Variants in FLRT2 observed in about 807,000 individuals in gnomAD.
The protein encoded by FLRT2 is leucine-rich repeat transmembrane protein FLRT2.
In FLRT2, 15 loss-of-function variants were observed where a neutral mutation model predicts 40.0. The observed-to-expected ratio is 0.38, with a 90% CI of 0.25 to 0.58. The LOEUF is 0.58. Among genes scored for constraint, FLRT2 ranks in the 20% least tolerant of loss-of-function variants. The pLI is 0.71. For missense variants in FLRT2, 726 were observed against 840.0 expected (o/e 0.86, Z 1.68); for synonymous variants, 380 against 336.8 (o/e 1.13, Z -1.41).
At chr14:85,593,810 G>A (rs1892010203) in intron 1 of FLRT2, among the ~76,000 whole-genome samples, 3 of 152,274 alleles carry the variant, frequency 2.0e-5, no homozygotes, top group East Asian at 1.9e-4. Context: ...GGGAGTTCAA[G>A]GCAGGCGGAT....
intron 1 of FLRT2, among the ~76,000 whole-genome samples, chr14:85,620,490 T>A (rs1396584028): frequency 6.6e-6 from 1 of 152,214 alleles, no homozygotes; most frequent in Non-Finnish European, 1.5e-5. Context: ...AATAAGGTTT[T>A]GTATCAGAGT....
intron 1 of FLRT2, among the ~76,000 whole-genome samples, chr14:85,585,467 A>C (rs1484431507): frequency 6.6e-6 from 1 of 152,106 alleles, no homozygotes; most frequent in East Asian, 1.9e-4. Context: ...AAAAATGTAA[A>C]CCTTTTTATT....
Position 85,643,778 on chromosome 14 carries a change from C to T in FLRT2, c.*20281C>T, listed in dbSNP as rs1894225554. The T allele has an allele frequency of 6.6e-6, 1 of 151,790 alleles. No individual in the cohort carries two copies. Among genetic ancestry groups the T allele is most frequent in the Non-Finnish European group, 1.5e-5 (1 of 67,958 alleles). The allele number at this position is 151,790 out of a possible 1,614,324, so 9.4% of individuals were successfully genotyped here. A position where few individuals can be genotyped will look rare whatever the true frequency, so the allele number is the denominator to read the frequency against. On this transcript the variant is annotated 3_prime_UTR_variant, in exon 2 of 2. Transcript: ENST00000330753. ...GAGATGAAAGTGTAGATGCTGCCCACAAAATGTGCTCCCTGTTTAAGTGGG... is the reference window on the plus strand; with the variant it reads ...GAGATGAAAGTGTAGATGCTGCCCATAAAATGTGCTCCCTGTTTAAGTGGG...
At chr14:85,566,663 A>G (rs552162018) in intron 1 of FLRT2, among the ~76,000 whole-genome samples, 1 of 151,876 alleles carries the variant, frequency 6.6e-6, no homozygotes, top group East Asian at 1.9e-4. Context: ...ATCCAAATAC[A>G]TACGGTGGAA....
At chr14:85,555,689 C>CTATTT (rs142498787) in intron 1 of FLRT2, among the ~76,000 whole-genome samples, 7,863 of 117,448 alleles carry the variant, frequency 0.067, 294 homozygotes, top group Non-Finnish European at 0.083. Flanking sequence ...TATCTGAAAT[C>CTATTT]TATTTTATTT....
chr14:85,563,165 T>C (rs1454796015), intron 1 of FLRT2: 1 of 152,196 alleles, frequency 6.6e-6, no homozygotes, highest in East Asian at 1.9e-4. Flanking sequence ...TGGGCATTGC[T>C]GCCTGGCAAT....
chr14:85,566,345 A>C (rs917749130), intron 1 of FLRT2, among the ~76,000 whole-genome samples: 1 of 152,156 alleles, frequency 6.6e-6, no homozygotes, highest in African/African-American at 2.4e-5. Context: ...GACTTTCAAG[A>C]GAGGATTTTA....
chr14:85,596,069 C>T (rs2097492088), intron 1 of FLRT2, among the ~76,000 whole-genome samples: 1 of 152,096 alleles, frequency 6.6e-6, no homozygotes, highest in African/African-American at 2.4e-5. Context: ...CAGGAAATTA[C>T]GGTTCACTTT....
rs1168129711 is a variant in FLRT2 at position 85,626,733 on chromosome 14, C to T, written c.*3236C>T. ...TGTGTAACAAATGGAAAACATTCTC[C>T]CCTGTGAGAAATAATGCAATTTCTA... On this transcript the variant is annotated 3_prime_UTR_variant, in exon 2 of 2. Coordinates refer to ENST00000330753, the MANE Select transcript of FLRT2 (RefSeq NM_013231.6). 1 of 167,140 alleles carries T rather than the reference C, an allele frequency of 6.0e-6. No individual in the cohort carries two copies. Among genetic ancestry groups the T allele is most frequent in the South Asian group, 2.1e-4 (1 of 4,818 alleles). The allele number at this position is 167,140 out of a possible 1,614,324, so 10.4% of individuals were successfully genotyped here.
intron 1 of FLRT2, among the ~76,000 whole-genome samples, chr14:85,567,038 C>T (rs75256611): frequency 2.0e-5 from 3 of 152,112 alleles, no homozygotes; most frequent in Non-Finnish European, 4.4e-5. Context: ...GGGAAGGACA[C>T]ATCGGTTAGA....
intron 1 of FLRT2, among the ~76,000 whole-genome samples, chr14:85,605,945 T>C (rs1292776603): frequency 6.6e-6 from 1 of 152,146 alleles, no homozygotes; most frequent in Non-Finnish European, 1.5e-5. Flanking sequence ...GTTTGCTTTA[T>C]TATATTGAGA....
intron 1 of FLRT2, among the ~76,000 whole-genome samples, chr14:85,615,576 G>T (rs567262966): frequency 6.6e-6 from 1 of 152,068 alleles, no homozygotes; most frequent in South Asian, 2.1e-4. Context: ...AACTTCCGGG[G>T]GCTTGGTTGA....
chr14:85,620,738 C>T (rs890888134), intron 1 of FLRT2, among the ~76,000 whole-genome samples: 11 of 152,146 alleles, frequency 7.2e-5, no homozygotes, highest in Non-Finnish European at 1.6e-4. Context: ...TCAGTCATCA[C>T]CTCTACCTTG....
chr14:85,588,062 A>G (rs10873367), intron 1 of FLRT2, among the ~76,000 whole-genome samples: 87,332 of 151,846 alleles, frequency 0.58, 25,277 homozygotes, highest in East Asian at 0.72. Flanking sequence ...CTCCCGAGTG[A>G]TATTTCAGCT....
At position 85,628,301 on chromosome 14, in the gene FLRT2, ATT is replaced by A. The variant is rs1893777556; in HGVS notation, c.*4809_*4810del. 6.6e-6 allele frequency: 1 copy of A among 151,900 alleles called. No individual in the cohort carries two copies. The highest frequency in any genetic ancestry group is 1.5e-5 in the Non-Finnish European group (1 of 67,982). The allele number at this position is 151,900 out of a possible 1,614,324, so 9.4% of individuals were successfully genotyped here. ...TTTCAAAATAGATGCTATTGGCTTT[ATT>A]TTTTATTTTTAAATTTTTTTTAAAC... On this transcript the variant is annotated 3_prime_UTR_variant, in exon 2 of 2. Coordinates refer to ENST00000330753, the MANE Select transcript of FLRT2 (RefSeq NM_013231.6).
intron 1 of FLRT2, among the ~76,000 whole-genome samples, chr14:85,568,216 G>A (rs1890720805): frequency 6.6e-6 from 1 of 151,702 alleles, no homozygotes; most frequent in Non-Finnish European, 1.5e-5. Flanking sequence ...TGATCTGCGG[G>A]GGGATGATTG....
chr14:85,548,181 G>A (rs11159708), intron 1 of FLRT2, among the ~76,000 whole-genome samples: 96,938 of 152,066 alleles, frequency 0.64, 34,722 homozygotes, highest in Middle Eastern at 0.81. Context: ...ACCTACTTCT[G>A]TGAAACTTCC....
At chr14:85,599,702 T>C (rs1009606531) in intron 1 of FLRT2, among the ~76,000 whole-genome samples, 1 of 152,138 alleles carries the variant, frequency 6.6e-6, no homozygotes, top group Non-Finnish European at 1.5e-5. Flanking sequence ...TTTTCTTTCC[T>C]CCCCCCGTCT....
rs982245249 is a variant in FLRT2 at position 85,648,169 on chromosome 14, T to G, written c.*24672T>G. 6.6e-6 allele frequency: 1 copy of G among 152,154 alleles called. No homozygotes were observed. The highest frequency in any genetic ancestry group is 1.5e-5 in the Non-Finnish European group (1 of 68,034). The allele number at this position is 152,154 out of a possible 1,614,324, so 9.4% of individuals were successfully genotyped here. A position where few individuals can be genotyped will look rare whatever the true frequency, so the allele number is the denominator to read the frequency against. On this transcript the variant is annotated 3_prime_UTR_variant, in exon 2 of 2. Transcript: ENST00000330753. ...GGGACAGTGTAAGCCTCATTCTAAT[T>G]GCATAAGGAATAGTTACTGTATGTT... is the stretch of plus-strand genomic sequence containing the variant.
Sources: gnomAD v4.1 joint callset for allele counts (sites outside exome capture counted in the v4.1 genomes callset) on GRCh38, gnomAD v4.1.1 for gene constraint, MANE v1.5 for transcripts, NCBI Gene and HGNC (gene_info 2026-07-23, HGNC 2026-07-21) for gene names.